The following MTA3 variants were observed in gnomAD, a reference collection of about 807,000 sequenced individuals.
MTA3 encodes metastasis-associated protein MTA3.
Under a neutral mutation model 83.5 loss-of-function variants are expected in MTA3, and 34 were observed. That is an observed-to-expected ratio of 0.41 (90% confidence interval 0.31 to 0.54). MTA3 has a LOEUF of 0.54. MTA3 is among the 20% of genes least tolerant of loss of function. MTA3 has a pLI of 0.33. For missense variants in MTA3, 761 were observed against 726.4 expected (o/e 1.05, Z -0.55); for synonymous variants, 303 against 252.7 (o/e 1.20, Z -1.89).
In MTA3 at chr2:42,499,231, G is replaced by A. The variant is rs532329604; in HGVS notation, c.-141+3977G>A. ...TGCCTAGGCTGGAGTGCAATGGTGC[G>A]ATCTCAGCTCACCGCAACCTCCGCC... is the stretch of plus-strand genomic sequence containing the variant. On this transcript the variant is annotated intron_variant, in intron 2 of 17. Transcript: ENST00000405592. 6.0e-5 allele frequency among the ~76,000 whole-genome samples: 9 copies of A among 150,940 alleles called. No homozygotes were observed. The South Asian group carries it at 1.7e-3, about 28-fold the overall frequency.
chr2:42,521,100 T>C (rs370238559), intron 2 of MTA3, among the ~76,000 whole-genome samples: 1 of 152,326 alleles, frequency 6.6e-6, no homozygotes, highest in Admixed American at 6.5e-5. Flanking sequence ...GGCTCACTTC[T>C]AATGAATAAA....
chr2:42,661,574 T>C (rs1228230519), intron 8 of MTA3, among the ~76,000 whole-genome samples: 1 of 147,580 alleles, frequency 6.8e-6, no homozygotes, highest in Non-Finnish European at 1.5e-5. Context: ...ATCTAATAAC[T>C]ACCTGTATAT....
At position 42,660,549 on chromosome 2, in the gene MTA3, T is replaced by C. The variant is rs537046700; in HGVS notation, c.702+687T>C. ...ATAGGACCTGGCACTTACTGCTTTCTCTGCACTCCAGAAAAGTGGACCTGT... is the reference window on the plus strand; with the variant it reads ...ATAGGACCTGGCACTTACTGCTTTCCCTGCACTCCAGAAAAGTGGACCTGT... On this transcript the variant is annotated intron_variant, in intron 8 of 16. Coordinates refer to ENST00000405094, the MANE Select transcript of MTA3 (RefSeq NM_001330442.2). Among the ~76,000 whole-genome samples the C allele has an allele frequency of 5.3e-5, 8 of 152,342 alleles. No homozygotes were observed. In the South Asian group the frequency reaches 1.5e-3, roughly 28 times the overall value.
chr2:42,644,496 C>G (rs188831553), intron 6 of MTA3, among the ~76,000 whole-genome samples: 1 of 152,256 alleles, frequency 6.6e-6, no homozygotes, highest in Non-Finnish European at 1.5e-5. Flanking sequence ...AAAAGTGATG[C>G]TATTATAGGT....
At chr2:42,546,312 C>G (rs551709238) in intron 2 of MTA3, among the ~76,000 whole-genome samples, 9 of 152,184 alleles carry the variant, frequency 5.9e-5, no homozygotes, top group African/African-American at 2.2e-4. Context: ...GTGGCCTGGC[C>G]CCACACTGAG....
At chr2:42,623,236 C>G (rs1265265046) in intron 4 of MTA3, among the ~76,000 whole-genome samples, 1 of 152,298 alleles carries the variant, frequency 6.6e-6, no homozygotes, top group East Asian at 1.9e-4. Flanking sequence ...ACACCTGGAT[C>G]CTGGCGTGTG....
At position 42,718,328 on chromosome 2, in the gene MTA3, A is replaced by G. The variant is rs867206217; in HGVS notation, c.1526-660A>G. Among the ~76,000 whole-genome samples the G allele has an allele frequency of 1.4e-4, 22 of 151,818 alleles. No individual in the cohort carries two copies. The South Asian group carries it at 4.2e-3, about 29-fold the overall frequency. On this transcript the variant is annotated intron_variant, in intron 14 of 16. Coordinates refer to ENST00000405094, the MANE Select transcript of MTA3 (RefSeq NM_001330442.2). Reference sequence around the variant, plus strand: ...AATGGCGTGATCTTGGCTCACCGCAATGTCCACCTCCTGGGTTCAAGCAAT... The same window carrying G: ...AATGGCGTGATCTTGGCTCACCGCAGTGTCCACCTCCTGGGTTCAAGCAAT...
At chr2:42,603,599 G>T (rs1172498878) in intron 3 of MTA3, among the ~76,000 whole-genome samples, 2 of 152,062 alleles carry the variant, frequency 1.3e-5, no homozygotes, top group Non-Finnish European at 2.9e-5. Flanking sequence ...AAATTTCTGT[G>T]GTAAATTTCT....
In MTA3 at chr2:42,592,582, T is replaced by C. The variant is rs140651121; in HGVS notation, c.190+13382T>C. ...CTGGTGTACAGATGGAGACCCTGTC[T>C]CAAAAAAATTCATTTTCACTTTTTA... On this transcript the variant is annotated intron_variant, in intron 3 of 16. Transcript: ENST00000405094. Among the ~76,000 whole-genome samples, 332 of 152,230 alleles carry C rather than the reference T, an allele frequency of 2.2e-3. 1 individual carries two copies. Among genetic ancestry groups the C allele is most frequent in the South Asian group, 0.015 (71 of 4,830 alleles).
intron 2 of MTA3, among the ~76,000 whole-genome samples, chr2:42,572,056 T>TC (rs1166202689): frequency 6.6e-6 from 1 of 151,946 alleles, no homozygotes; most frequent in African/African-American, 2.4e-5. Flanking sequence ...GGCAGGCGGA[T>TC]CACGGGGTCA....
chr2:42,628,678 C>T (rs112539290), intron 4 of MTA3, among the ~76,000 whole-genome samples: 2,130 of 152,138 alleles, frequency 0.014, 52 homozygotes, highest in African/African-American at 0.048. Context: ...TTTCAGTTAG[C>T]TCACTGAATA....
chr2:42,745,718 G>A (rs1175005767), intron 16 of MTA3, among the ~76,000 whole-genome samples: 3 of 150,672 alleles, frequency 2.0e-5, no homozygotes, highest in East Asian at 2.0e-4. Flanking sequence ...CCAACCAGAT[G>A]TATCTGTTTC....
At chr2:42,559,924 G>A (rs1225423194) in intron 2 of MTA3, among the ~76,000 whole-genome samples, 5 of 151,470 alleles carry the variant, frequency 3.3e-5, no homozygotes, top group Admixed American at 3.3e-4. Context: ...TCCATTGGCC[G>A]TGACAGCTAC....
chr2:42,729,147 G>C (rs1166773732), intron 16 of MTA3, among the ~76,000 whole-genome samples: 1 of 127,930 alleles, frequency 7.8e-6, no homozygotes, highest in Admixed American at 9.3e-5. Flanking sequence ...AGGCTGGAGT[G>C]CAGTGGCACA....
intron 2 of MTA3, among the ~76,000 whole-genome samples, chr2:42,500,762 C>T (rs752227174): frequency 2.0e-5 from 3 of 150,070 alleles, no homozygotes; most frequent in Non-Finnish European, 3.0e-5. Context: ...TACATTACAC[C>T]GAGAAAATCA....
rs1203021855 is a variant in MTA3, at chr2:42,755,784, C to T, written c.*2385C>T. 5 of 985,398 alleles carry T rather than the reference C, an allele frequency of 5.1e-6. No homozygotes were observed. Among genetic ancestry groups the T allele is most frequent in the Non-Finnish European group, 6.0e-6 (5 of 830,012 alleles). The allele number at this position is 985,398 out of a possible 1,614,324, so 61.0% of individuals were successfully genotyped here. ...TGGCATGTCACTGTGGTTCAGTGAG[C>T]ACATGGGTGGACGTGCAGAGACTGT... On this transcript the variant is annotated 3_prime_UTR_variant, in exon 17 of 17. Transcript: ENST00000405094.
chr2:42,746,653 TG>T (rs1174099448), intron 16 of MTA3, among the ~76,000 whole-genome samples: 1 of 152,180 alleles, frequency 6.6e-6, no homozygotes, highest in East Asian at 1.9e-4. Context: ...ACCCCCTCCT[TG>T]GGTTCAATTA....
intron 4 of MTA3, among the ~76,000 whole-genome samples, chr2:42,635,291 C>T (rs554876996): frequency 2.4e-4 from 37 of 152,088 alleles, no homozygotes; most frequent in Non-Finnish European, 4.3e-4. Context: ...AATCCCAGAA[C>T]CTAATATTTT....
intron 11 of MTA3, among the ~76,000 whole-genome samples, chr2:42,701,863 C>T (rs529812091): frequency 1.1e-4 from 16 of 151,088 alleles, no homozygotes; most frequent in African/African-American, 3.4e-4. Flanking sequence ...TGCAGTGAGC[C>T]GAGATCACGC....
Sources: allele counts gnomAD v4.1 joint callset (sites outside exome capture counted in the v4.1 genomes callset), GRCh38; gene constraint gnomAD v4.1.1; transcripts MANE v1.5; gene names NCBI Gene and HGNC (gene_info 2026-07-23, HGNC 2026-07-21).